The following SMPD4 variants were observed in gnomAD, a reference collection of about 807,000 sequenced individuals.
SMPD4 encodes the protein sphingomyelin phosphodiesterase 4.
Under a neutral mutation model 97.8 loss-of-function variants are expected in SMPD4, and 58 were observed. The ratio of observed to expected loss-of-function variants is 0.59; its 90% CI spans 0.48 to 0.74. The LOEUF is 0.74. Ranked by LOEUF, SMPD4 falls within the 30% of genes least tolerant of loss-of-function variation. The probability of loss-of-function intolerance (pLI) is 0.00; values close to 1 mark genes in which losing one functional copy is unlikely to be tolerated. For missense variants in SMPD4, 853 were observed against 1,080.5 expected (o/e 0.79, Z 2.95); for synonymous variants, 388 against 450.0 (o/e 0.86, Z 1.74).
chr2:130,177,741 T>C (rs1423746195), intron 1 of SMPD4, among the ~76,000 whole-genome samples: 3 of 151,044 alleles, frequency 2.0e-5, no homozygotes, highest in Non-Finnish European at 1.5e-5. Context: ...CTGCAGCCCA[T>C]AGTGGCCAGC....
At chr2:130,172,524 G>A in intron 7 of SMPD4, 24 bp from the exon 8 acceptor site, 1 of 1,612,440 alleles carries the variant, frequency 6.2e-7, no homozygotes. Context: ...CTAGTTGTTA[G>A]CATGGGCTCT....
intron 2 of SMPD4, among the ~76,000 whole-genome samples, chr2:130,175,598 G>A (rs1324680318): frequency 6.6e-6 from 1 of 152,176 alleles, no homozygotes; most frequent in Non-Finnish European, 1.5e-5. Flanking sequence ...TAATCATGAA[G>A]GCAATGGAGA....
chr2:130,165,334 G>A (rs1345214208), intron 9 of SMPD4, among the ~76,000 whole-genome samples: 1 of 151,488 alleles, frequency 6.6e-6, no homozygotes, highest in Non-Finnish European at 1.5e-5. Context: ...GCTGAGGCAG[G>A]AGAATCGCTT....
In SMPD4 at chr2:130,156,146, G is replaced by A. The variant is rs775516961; in HGVS notation, c.1189-11C>T. 17 of 1,605,468 alleles carry A rather than the reference G, an allele frequency of 1.1e-5. No homozygotes were observed. The highest frequency in any genetic ancestry group is 1.3e-5 in the Non-Finnish European group (15 of 1,175,332). On this transcript the variant is annotated splice_polypyrimidine_tract_variant and intron_variant, in intron 13 of 19. Transcript: ENST00000680298. ...CCACATCTCCAGGACCTGTGGGGGAGGTGTGTGCTAAGGGCTCCGTGGCTG... is the reference window on the plus strand; with the variant it reads ...CCACATCTCCAGGACCTGTGGGGGAAGTGTGTGCTAAGGGCTCCGTGGCTG...
chr2:130,164,761 GA>G (rs1446655151), intron 9 of SMPD4, among the ~76,000 whole-genome samples: 1 of 152,040 alleles, frequency 6.6e-6, no homozygotes, highest in Non-Finnish European at 1.5e-5. Context: ...TAGACAACTA[GA>G]CTTCATCAAA....
chr2:130,166,308 C>CAAA (rs56226182), intron 9 of SMPD4, among the ~76,000 whole-genome samples: 7 of 60,912 alleles, frequency 1.1e-4, no homozygotes, highest in East Asian at 4.8e-4. Context: ...GACTCCATCT[C>CAAA]AAAAAAAAAA....
chr2:130,176,572 C>T lies in SMPD4; in HGVS notation c.21G>A (p.Gln7=). The change falls in exon 2 of 20, where the codon CAG becomes CAA. Residue 7 remains glutamine, a synonymous_variant. Coordinates refer to ENST00000680298, the MANE Select transcript of SMPD4 (RefSeq NM_017951.5). ...TATTTACCAGTAGAAAGCTGGGCTG[C>T]TGCAGGTGAGGGAACGCCATAGCAG... The part of the protein sequence containing the change: MAFPHL[Q]QPSFLLASLK... The T allele has an allele frequency of 1.2e-6, 2 of 1,613,212 alleles. No individual in the cohort carries two copies. The highest frequency in any genetic ancestry group is 1.7e-6 in the Non-Finnish European group (2 of 1,179,606).
intron 10 of SMPD4, among the ~76,000 whole-genome samples, chr2:130,161,958 AAC>A (rs1338861116): frequency 1.3e-5 from 2 of 152,228 alleles, no homozygotes; most frequent in Admixed American, 1.3e-4. Flanking sequence ...GCTCTCTGAG[AAC>A]TGAGGGCGAG....
Position 130,151,955 on chromosome 2 carries a change from C to T in SMPD4, c.*600G>A, listed in dbSNP as rs1686285207. On this transcript the variant is annotated 3_prime_UTR_variant, in exon 20 of 20. Transcript: ENST00000680298. ...CCCTGGGCTCTGGGAGGGTCTTAGGCTCCTGAAACATGGAATTCTACGGCC... is the reference window on the plus strand; with the variant it reads ...CCCTGGGCTCTGGGAGGGTCTTAGGTTCCTGAAACATGGAATTCTACGGCC... The T allele has an allele frequency of 6.5e-6, 1 of 153,196 alleles. No individual in the cohort carries two copies. The highest frequency in any genetic ancestry group is 2.1e-4 in the South Asian group (1 of 4,842). 9.5% of individuals were successfully genotyped at this position (153,196 alleles called of 1,614,324 possible).
chr2:130,161,776 G>A (rs908291885), intron 10 of SMPD4, among the ~76,000 whole-genome samples: 2 of 152,188 alleles, frequency 1.3e-5, no homozygotes, highest in African/African-American at 4.8e-5. Context: ...AAGATCCTGA[G>A]GCTCAGAAAA....
chr2:130,164,171 C>T (rs1338069183), intron 10 of SMPD4, among the ~76,000 whole-genome samples: 1 of 152,182 alleles, frequency 6.6e-6, no homozygotes, highest in African/African-American at 2.4e-5. Flanking sequence ...CAAGTTTCTA[C>T]ACATCAGGGT....
At chr2:130,161,161 A>G (rs188867715) in intron 11 of SMPD4, 25 bp downstream of exon 11, 152 of 1,609,294 alleles carry the variant, frequency 9.4e-5, no homozygotes, top group Middle Eastern at 8.2e-4. Flanking sequence ...TCTGGGCAGG[A>G]GGAAGGGAAC....
intron 15 of SMPD4, 157 bp downstream of exon 15, chr2:130,154,939 C>A (rs1686624258): frequency 2.0e-6 from 2 of 992,022 alleles, no homozygotes; most frequent in Admixed American, 5.7e-5. Flanking sequence ...TCAGACCTCA[C>A]CACACAGACG....
rs747628456 is a variant in SMPD4, at chr2:130,181,520, C to T, written c.-46+10G>A. 2.3e-5 allele frequency: 36 copies of T among 1,599,884 alleles called. No individual in the cohort carries two copies. Among genetic ancestry groups the T allele is most frequent in the Non-Finnish European group, 2.9e-5 (34 of 1,174,414 alleles). On this transcript the variant is annotated intron_variant, in intron 1 of 19. Transcript: ENST00000680298. The stretch of plus-strand genomic sequence containing the variant: ...CGGACCGTCTCAGGCGCGCATCCCG[C>T]GCCACTCACCTGTGGGATCCATAGC...
intron 3 of SMPD4, 57 bp from the exon 4 acceptor site, chr2:130,173,713 T>G (rs2104905452): frequency 6.2e-7 from 1 of 1,607,578 alleles, no homozygotes; most frequent in East Asian, 2.2e-5. Flanking sequence ...CTGCCCCGGC[T>G]CTAGTCCTGC....
At chr2:130,163,310 T>TG (rs1367958908) in intron 10 of SMPD4, among the ~76,000 whole-genome samples, 1 of 152,198 alleles carries the variant, frequency 6.6e-6, no homozygotes, top group African/African-American at 2.4e-5. Flanking sequence ...AGGCCCAAGA[T>TG]GGGGTCCTCA....
intron 10 of SMPD4, 58 bp downstream of exon 10, chr2:130,164,316 A>C (rs369981973): frequency 5.5e-6 from 8 of 1,452,726 alleles, no homozygotes; most frequent in East Asian, 2.3e-5. Context: ...GCAGGATAAG[A>C]AGCAGCAGGC....
At chr2:130,166,084 G>A (rs1401733827) in intron 9 of SMPD4, among the ~76,000 whole-genome samples, 1 of 152,072 alleles carries the variant, frequency 6.6e-6, no homozygotes, top group East Asian at 1.9e-4. Context: ...CACTTTGGGA[G>A]GCCAAAGCAA....
intron 2 of SMPD4, among the ~76,000 whole-genome samples, 181 bp downstream of exon 2, chr2:130,176,373 A>T (rs1296017334): frequency 1.3e-5 from 2 of 152,204 alleles, no homozygotes; most frequent in Admixed American, 1.3e-4. Flanking sequence ...AAGTTGAGTA[A>T]CCCCAAGGTC....
Sources: gnomAD v4.1 joint callset for allele counts (sites outside exome capture counted in the v4.1 genomes callset) on GRCh38, gnomAD v4.1.1 for gene constraint, MANE v1.5 for transcripts, NCBI Gene and HGNC (gene_info 2026-07-23, HGNC 2026-07-21) for gene names.